Variants in AGMO observed in about 807,000 individuals in gnomAD.
AGMO encodes glyceryl-ether monooxygenase.
In AGMO, 75 loss-of-function variants were observed where a neutral mutation model predicts 60.2. That is an observed-to-expected ratio of 1.25 (90% CI 1.03 to 1.51). AGMO has a LOEUF of 1.51. AGMO is among the 40% of genes most tolerant of loss of function. The probability of loss-of-function intolerance (pLI) is 0.00; values close to 1 mark genes in which losing one functional copy is unlikely to be tolerated. For missense variants in AGMO, 763 were observed against 525.5 expected, an observed-to-expected ratio of 1.45 and a Z score of -4.42; for synonymous variants, 261 against 177.1, an observed-to-expected ratio of 1.47 and a Z score of -3.76.
intron 12 of AGMO, among the ~76,000 whole-genome samples, chr7:15,347,951 A>C (rs73679479): frequency 6.6e-6 from 1 of 152,082 alleles, no homozygotes; most frequent in Non-Finnish European, 1.5e-5. Context: ...GCAACTGCTT[A>C]TAACTTTTCT....
chr7:15,311,176 A>C (rs545110499), intron 12 of AGMO, among the ~76,000 whole-genome samples: 10 of 152,094 alleles, frequency 6.6e-5, no homozygotes, highest in African/African-American at 2.2e-4. Flanking sequence ...CAAAAATGCT[A>C]GATTAAAAAA....
the AGMO span, among the ~76,000 whole-genome samples, chr7:15,146,843 T>C: frequency 3.3e-5 from 5 of 152,208 alleles, no homozygotes; most frequent in African/African-American, 9.6e-5. Context: ...CAGTGAAATA[T>C]TGACAGCATA....
rs1313398847 is a variant in AGMO, at chr7:15,390,876, A to C, written c.706T>G (p.Tyr236Asp). The C allele has an allele frequency of 6.2e-7, 1 of 1,603,934 alleles. No individual in the cohort carries two copies. Among genetic ancestry groups the C allele is most frequent in the Non-Finnish European group, 8.5e-7 (1 of 1,174,922 alleles). The change falls in exon 7 of 13, where the codon TAT becomes GAT. Residue 236 changes from tyrosine to aspartate, a missense_variant. By Grantham distance (160) the Tyr-to-Asp change is radical. Transcript: ENST00000342526. ...TCCCAAATAATAAGAACACCAGCAT[A>C]ATTTTTGTCTATGCAATAACGATTT... ...GRNRYCIDKN[Y>D]AGVLIIWDKI...
At chr7:15,290,357 T>A (rs1042170246) in intron 12 of AGMO, among the ~76,000 whole-genome samples, 1 of 152,132 alleles carries the variant, frequency 6.6e-6, no homozygotes, top group Non-Finnish European at 1.5e-5. Flanking sequence ...TTCTCATAGA[T>A]GATTAGTAGA....
chr7:15,289,214 G>A (rs1784186888), intron 12 of AGMO, among the ~76,000 whole-genome samples: 2 of 151,580 alleles, frequency 1.3e-5, no homozygotes, highest in Non-Finnish European at 2.9e-5. Flanking sequence ...TTTGCATTAT[G>A]CCCTCAATAA....
At chr7:15,245,961 T>G (rs148577366) in intron 12 of AGMO, among the ~76,000 whole-genome samples, 84 of 152,266 alleles carry the variant, frequency 5.5e-4, no homozygotes, top group African/African-American at 2.0e-3. Flanking sequence ...TTTCCTTTAT[T>G]GCACATACAA....
intron 10 of AGMO, among the ~76,000 whole-genome samples, chr7:15,374,055 G>T (rs889797110): frequency 1.3e-5 from 2 of 152,160 alleles, no homozygotes; most frequent in Non-Finnish European, 2.9e-5. Context: ...TGAGCTTGCG[G>T]ATTTGTTATG....
intron 12 of AGMO, among the ~76,000 whole-genome samples, chr7:15,224,880 C>T (rs1288151658): frequency 6.6e-6 from 1 of 151,944 alleles, no homozygotes; most frequent in Non-Finnish European, 1.5e-5. Context: ...TCATATTGCA[C>T]ATCTAGTGAT....
intron 12 of AGMO, among the ~76,000 whole-genome samples, chr7:15,247,750 G>C (rs912371987): frequency 6.6e-5 from 10 of 151,946 alleles, no homozygotes; most frequent in African/African-American, 2.4e-4. Context: ...ACCAGTGAAA[G>C]ATTTAATTAT....
chr7:15,560,629 T>C (rs1270977945), intron 1 of AGMO, among the ~76,000 whole-genome samples: 1 of 152,190 alleles, frequency 6.6e-6, no homozygotes, highest in Non-Finnish European at 1.5e-5. Context: ...ACATGTATAA[T>C]TTAGACCCAC....
chr7:15,144,874 G>C, the AGMO span, among the ~76,000 whole-genome samples: 63 of 152,320 alleles, frequency 4.1e-4, no homozygotes, highest in Middle Eastern at 3.4e-3. Flanking sequence ...CTGCCGCCCA[G>C]GCTGGAGTGC....
intron 3 of AGMO, among the ~76,000 whole-genome samples, chr7:15,544,545 A>G (rs1784721320): frequency 6.6e-6 from 1 of 152,190 alleles, no homozygotes; most frequent in Non-Finnish European, 1.5e-5. Flanking sequence ...TTTTAAAATT[A>G]GAAGCGAAAA....
At chr7:15,559,015 C>T (rs1397237401) in intron 2 of AGMO, among the ~76,000 whole-genome samples, 1 of 152,084 alleles carries the variant, frequency 6.6e-6, no homozygotes, top group East Asian at 1.9e-4. Context: ...TTTCCTCACC[C>T]TCTGCCTCTT....
At chr7:15,195,417 C>G (rs186425794), downstream of AGMO, among the ~76,000 whole-genome samples, 114 of 152,304 alleles carry the variant, frequency 7.5e-4, 1 homozygote, top group South Asian at 0.011. Context: ...GAGGTAGTGC[C>G]TGATTTACAT....
At chr7:15,194,587 A>G in the AGMO span, among the ~76,000 whole-genome samples, 2,346 of 152,254 alleles carry the variant, frequency 0.015, 62 homozygotes, top group African/African-American at 0.052. Flanking sequence ...GCAATCAGTA[A>G]TATCACTGAT....
intron 3 of AGMO, among the ~76,000 whole-genome samples, chr7:15,434,401 G>T (rs1169140708): frequency 6.6e-6 from 1 of 152,100 alleles, no homozygotes; most frequent in Non-Finnish European, 1.5e-5. Context: ...ATTTAGCAAA[G>T]ATGATGGGAT....
chr7:15,354,455 TAC>T (rs756669849), intron 12 of AGMO, among the ~76,000 whole-genome samples: 1,063 of 19,754 alleles, frequency 0.054, 114 homozygotes, highest in African/African-American at 0.1. Context: ...CGTGTGTGTA[TAC>T]ACACGTGTGT....
At chr7:15,280,669 G>T (rs1269363240) in intron 12 of AGMO, among the ~76,000 whole-genome samples, 1 of 152,192 alleles carries the variant, frequency 6.6e-6, no homozygotes, top group Admixed American at 6.5e-5. Context: ...CTCTTGGCTG[G>T]AGGCCAACCA....
At chr7:15,327,099 G>A (rs1191166472) in intron 12 of AGMO, among the ~76,000 whole-genome samples, 1 of 152,150 alleles carries the variant, frequency 6.6e-6, no homozygotes, top group Non-Finnish European at 1.5e-5. Context: ...AAGCCTTTGT[G>A]CAATGAGTGA....
Sources: gnomAD v4.1 joint callset for allele counts (sites outside exome capture counted in the v4.1 genomes callset) on GRCh38, gnomAD v4.1.1 for gene constraint, MANE v1.5 for transcripts, NCBI Gene and HGNC (gene_info 2026-07-23, HGNC 2026-07-21) for gene names.